The following RNF212B variants were observed in gnomAD, a reference collection of about 807,000 sequenced individuals.
RNF212B encodes E3 ubiquitin-protein ligase RNF212B.
A neutral mutation model predicts 55.5 loss-of-function variants in RNF212B; 52 were observed. The observed-to-expected ratio is 0.94, with a 90% CI of 0.75 to 1.18. The LOEUF is 1.18. Among genes scored for constraint, RNF212B ranks in the 50% most tolerant of loss-of-function variants. RNF212B has a pLI of 0.00. For synonymous variants in RNF212B, 99 were observed against 121.4 expected, an observed-to-expected ratio of 0.82 and a Z score of 1.21; for missense variants, 289 against 350.4, an observed-to-expected ratio of 0.82 and a Z score of 1.40.
intron 2 of RNF212B, among the ~76,000 whole-genome samples, chr14:23,232,535 C>T (rs1422866360): frequency 6.6e-6 from 1 of 152,042 alleles, no homozygotes; most frequent in Non-Finnish European, 1.5e-5. Flanking sequence ...AGCAGCCACC[C>T]CTCTGGGAGG....
At chr14:23,252,872 C>G (rs567876063) in intron 4 of RNF212B, among the ~76,000 whole-genome samples, 1 of 152,262 alleles carries the variant, frequency 6.6e-6, no homozygotes, top group South Asian at 2.1e-4. Flanking sequence ...TGGTCAGCAT[C>G]TAGTGTGATG....
intron 11 of RNF212B, among the ~76,000 whole-genome samples, chr14:23,266,914 T>C (rs1350180992): frequency 6.6e-6 from 1 of 152,224 alleles, no homozygotes; most frequent in Non-Finnish European, 1.5e-5. Context: ...TTGTTCTGTC[T>C]GTTATTGAAA....
intron 2 of RNF212B, among the ~76,000 whole-genome samples, chr14:23,194,842 T>C (rs1228594873): frequency 6.6e-6 from 1 of 151,972 alleles, no homozygotes; most frequent in East Asian, 1.9e-4. Context: ...CTAACAGATT[T>C]CTAAAGAACT....
At chr14:23,206,139 A>T (rs971923928) in intron 2 of RNF212B, among the ~76,000 whole-genome samples, 1 of 152,004 alleles carries the variant, frequency 6.6e-6, no homozygotes, top group Non-Finnish European at 1.5e-5. Context: ...CAGTGGCAGG[A>T]TCTCATCTCA....
At chr14:23,251,801 T>C (rs35728517) in intron 4 of RNF212B, among the ~76,000 whole-genome samples, 57,574 of 146,128 alleles carry the variant, frequency 0.39, 11,516 homozygotes, top group African/African-American at 0.41. Context: ...GGCAACAGAG[T>C]GAGACTCTGT....
chr14:23,192,329 A>T (rs1389800615), intron 1 of RNF212B, among the ~76,000 whole-genome samples: 1 of 152,240 alleles, frequency 6.6e-6, no homozygotes, highest in Non-Finnish European at 1.5e-5. Context: ...AATGTAGCAC[A>T]TATACACCAA....
intron 2 of RNF212B, among the ~76,000 whole-genome samples, chr14:23,203,110 G>T (rs755030549): frequency 6.6e-6 from 1 of 151,844 alleles, no homozygotes; most frequent in Non-Finnish European, 1.5e-5. Flanking sequence ...CCTATTTGTA[G>T]TCTTTTATCT....
At chr14:23,250,239 G>C (rs1200995826) in intron 4 of RNF212B, among the ~76,000 whole-genome samples, 3 of 152,106 alleles carry the variant, frequency 2.0e-5, no homozygotes. Context: ...CAGCACTTTT[G>C]GAGGCTGAGG....
At chr14:23,233,741 CAAAA>C (rs761783082), upstream of RNF212B, among the ~76,000 whole-genome samples, 37 of 77,564 alleles carry the variant, frequency 4.8e-4, no homozygotes, top group Non-Finnish European at 5.6e-4. Context: ...GACCCTGTCT[CAAAA>C]AAAAAAAAAA....
rs1886018223 is a variant in RNF212B at position 23,270,780 on chromosome 14, G to A, written c.834+119G>A. 6 of 681,066 alleles carry A rather than the reference G, an allele frequency of 8.8e-6. No homozygotes were observed. In the East Asian group the frequency reaches 1.6e-4, roughly 19 times the overall value. The allele number at this position is 681,066 out of a possible 1,614,324, so 42.2% of individuals were successfully genotyped here. ...GAAGAACGACATGGGTTTCAACTCT[G>A]GTAACTATATGTTCACAATCTTCCA... is the stretch of plus-strand genomic sequence containing the variant. On this transcript the variant is annotated intron_variant, in intron 14 of 14. Transcript: ENST00000430154.
intron 4 of RNF212B, among the ~76,000 whole-genome samples, chr14:23,250,206 G>A (rs542935577): frequency 1.3e-5 from 2 of 152,272 alleles, no homozygotes; most frequent in Non-Finnish European, 2.9e-5. Context: ...TAGGCCAGCC[G>A]TGGTGGCTCA....
rs1229571523 is a variant in RNF212B at position 23,258,604 on chromosome 14, G to A, written c.284G>A (p.Arg95Lys). The A allele has an allele frequency of 5.2e-6, 8 of 1,539,446 alleles. No individual in the cohort carries two copies. Among genetic ancestry groups the A allele is most frequent in the Non-Finnish European group, 7.0e-6 (8 of 1,141,602 alleles). Reference protein sequence around the residue: ...TDLLIAFYKHRITKLETAMQE... With the variant: ...TDLLIAFYKHKITKLETAMQE... The stretch of plus-strand genomic sequence containing the variant: ...CTCCTCATCGCCTTTTATAAGCATA[G>A]AATTACAAAGTTAGAAACAGCCATG... Residue 95 changes from arginine to lysine, a missense_variant, in exon 5 of 15, where the codon AGA becomes AAA. Transcript: ENST00000430154.
intron 6 of RNF212B, 109 bp from the exon 7 acceptor site, chr14:23,260,550 A>G (rs1885217583): frequency 3.0e-6 from 3 of 984,362 alleles, no homozygotes; most frequent in South Asian, 1.4e-5. Flanking sequence ...AGTCTTAGCA[A>G]CCATGACTAA....
chr14:23,235,284 A>G (rs1440094084), upstream of RNF212B, among the ~76,000 whole-genome samples: 2 of 152,044 alleles, frequency 1.3e-5, no homozygotes, highest in African/African-American at 4.8e-5. Flanking sequence ...CAGGTATTCT[A>G]GGCTGTAGCA....
chr14:23,191,348 C>CAA (rs776652211), intron 1 of RNF212B, among the ~76,000 whole-genome samples: 12 of 48,130 alleles, frequency 2.5e-4, no homozygotes, highest in Admixed American at 6.8e-4. Flanking sequence ...GACCCTGTCT[C>CAA]AAAAAAAAAA....
intron 4 of RNF212B, among the ~76,000 whole-genome samples, chr14:23,247,124 G>A (rs1184206382): frequency 2.1e-5 from 3 of 145,286 alleles, no homozygotes; most frequent in African/African-American, 7.7e-5. Context: ...TGGGCAACAC[G>A]AGCAAAACTC....
chr14:23,263,427 C>T (rs1885446130), intron 9 of RNF212B, among the ~76,000 whole-genome samples: 1 of 152,182 alleles, frequency 6.6e-6, no homozygotes. Context: ...GCTCTTTTGA[C>T]AGGTGCCATC....
chr14:23,208,762 T>TTTTTTTTTG (rs1880125761), intron 2 of RNF212B, among the ~76,000 whole-genome samples: 1 of 127,574 alleles, frequency 7.8e-6, no homozygotes, highest in African/African-American at 3.4e-5. Flanking sequence ...TTGCCGTTTT[T>TTTTTTTTTG]TTTTTTTTTT....
chr14:23,216,375 A>G (rs1227587053), intron 2 of RNF212B, among the ~76,000 whole-genome samples: 2 of 152,216 alleles, frequency 1.3e-5, no homozygotes, highest in East Asian at 3.9e-4. Flanking sequence ...AAAGAAGTGA[A>G]ACAGAGGAAT....
Sources: allele counts gnomAD v4.1 joint callset (sites outside exome capture counted in the v4.1 genomes callset), GRCh38; gene constraint gnomAD v4.1.1; transcripts MANE v1.5; gene names NCBI Gene and HGNC (gene_info 2026-07-23, HGNC 2026-07-21).